Variants in KIF5B observed in about 807,000 individuals in gnomAD.
KIF5B encodes kinesin-1 heavy chain.
A neutral mutation model predicts 132.8 loss-of-function variants in KIF5B; 49 were observed. The observed-to-expected ratio is 0.37, with a 90% CI of 0.29 to 0.47. The LOEUF (loss-of-function observed/expected upper bound fraction) is 0.47, where lower values mean the gene tolerates loss of function less well. KIF5B is among the 20% of genes least tolerant of loss of function. KIF5B has a pLI of 1.00. For synonymous variants in KIF5B, 355 were observed against 369.4 expected (o/e 0.96, Z 0.45); for missense variants, 780 against 1,144.0 (o/e 0.68, Z 4.59).
At chr10:32,012,899 A>ATTT (rs746066933) in intron 25 of KIF5B, among the ~76,000 whole-genome samples, 1 of 136,516 alleles carries the variant, frequency 7.3e-6, no homozygotes, top group African/African-American at 2.7e-5. Flanking sequence ...AACTCATGTA[A>ATTT]TTTTTTTTTT....
rs1841727278 is a variant in KIF5B at position 32,054,300 on chromosome 10, T to C, written c.126+1548A>G. On this transcript the variant is annotated intron_variant, in intron 1 of 25. Coordinates refer to ENST00000302418, the MANE Select transcript of KIF5B (RefSeq NM_004521.3). ...TACCATCCCAAAGGAAAAGGATTAC[T>C]GGGCTTAACTACTCCGCCTCTGCCG... Among the ~76,000 whole-genome samples the C allele has an allele frequency of 2.6e-5, 4 of 152,244 alleles. No homozygotes were observed. In the South Asian group the frequency reaches 8.3e-4, roughly 32 times the overall value.
chr10:32,050,850 ATGG>A (rs1390534862), intron 1 of KIF5B, among the ~76,000 whole-genome samples: 1 of 152,268 alleles, frequency 6.6e-6, no homozygotes, highest in Non-Finnish European at 1.5e-5. Flanking sequence ...AGATATATTC[ATGG>A]TGAACAATTC....
chr10:32,021,011 A>G lies in KIF5B; in HGVS notation c.2204+11T>C, dbSNP rs768948573. On this transcript the variant is annotated intron_variant, in intron 19 of 25. Transcript: ENST00000302418. ...ATTCTTTCCTCCTAACTAGAGAAGT[A>G]TAATACTTACTCTTGAAGATCAGTA... The G allele has an allele frequency of 6.9e-7, 1 of 1,445,876 alleles. No individual in the cohort carries two copies. The highest frequency in any genetic ancestry group is 9.7e-7 in the Non-Finnish European group (1 of 1,027,738). The allele number at this position is 1,445,876 out of a possible 1,614,324, so 89.6% of individuals were successfully genotyped here.
At chr10:32,024,609 C>T (rs1841310896) in intron 15 of KIF5B, among the ~76,000 whole-genome samples, 1 of 150,724 alleles carries the variant, frequency 6.6e-6, no homozygotes, top group South Asian at 2.1e-4. Flanking sequence ...ACTAAAAATA[C>T]AAAAAATTAG....
In KIF5B at chr10:32,028,631, T is replaced by C. The variant is rs567524044; in HGVS notation, c.1582-60A>G. ...CTACTACATGAAAATTCAAATCAAA[T>C]ACTCATCGGTGTTTCAAGTTTTACA... On this transcript the variant is annotated intron_variant, in intron 14 of 25. Coordinates refer to ENST00000302418, the MANE Select transcript of KIF5B (RefSeq NM_004521.3). 20 of 1,412,852 alleles carry C rather than the reference T, an allele frequency of 1.4e-5. No homozygotes were observed. The African/African-American group carries it at 2.4e-4, about 17-fold the overall frequency. The allele number at this position is 1,412,852 out of a possible 1,614,324, so 87.5% of individuals were successfully genotyped here.
chr10:32,011,962 CAA>C (rs1310951699), intron 25 of KIF5B, among the ~76,000 whole-genome samples: 6 of 151,436 alleles, frequency 4.0e-5, no homozygotes, highest in Non-Finnish European at 7.4e-5. Flanking sequence ...TAGGGATAAA[CAA>C]GAGGTGTATA....
At chr10:32,052,355 CA>C in intron 1 of KIF5B, among the ~76,000 whole-genome samples, 1 of 152,260 alleles carries the variant, frequency 6.6e-6, no homozygotes, top group East Asian at 1.9e-4. Flanking sequence ...GTTCAAACAC[CA>C]AATCATTCAC....
chr10:32,022,008 AAT>A, intron 17 of KIF5B, 130 bp downstream of exon 17: 2 of 581,934 alleles, frequency 3.4e-6, no homozygotes, highest in Middle Eastern at 6.1e-4. Context: ...AAGCAACATT[AAT>A]ATGTATGATT....
intron 25 of KIF5B, among the ~76,000 whole-genome samples, chr10:32,013,390 G>C (rs996503242): frequency 1.3e-5 from 2 of 152,132 alleles, no homozygotes; most frequent in African/African-American, 4.8e-5. Flanking sequence ...CAATGCTTTT[G>C]CATAGAAATA....
intron 6 of KIF5B, among the ~76,000 whole-genome samples, chr10:32,037,874 G>C (rs1841481320): frequency 2.0e-5 from 3 of 151,964 alleles, no homozygotes; most frequent in African/African-American, 7.2e-5. Context: ...CACTTTGGGA[G>C]GCAGAGGCGG....
chr10:32,012,422 G>A (rs770877903), intron 25 of KIF5B, among the ~76,000 whole-genome samples: 6 of 152,124 alleles, frequency 3.9e-5, no homozygotes, highest in Non-Finnish European at 8.8e-5. Context: ...GTTGCAGTGA[G>A]CCGAGATCCT....
In KIF5B at chr10:32,056,200, T is replaced by TGGCGGCGGCGGCGGC; in HGVS notation, c.-228_-227insGCCGCCGCCGCCGCC. 2.0e-6 allele frequency: 1 copy of TGGCGGCGGCGGCGGC among 496,746 alleles called. No individual in the cohort carries two copies. Among genetic ancestry groups the TGGCGGCGGCGGCGGC allele is most frequent in the Non-Finnish European group, 3.5e-6 (1 of 287,526 alleles). 30.8% of individuals were successfully genotyped at this position (496,746 alleles called of 1,614,324 possible). A position where few individuals can be genotyped will look rare whatever the true frequency, so the allele number is the denominator to read the frequency against. On this transcript the variant is annotated 5_prime_UTR_variant, in exon 1 of 26. Transcript: ENST00000302418. ...CACTTCCGATCCATCATGGCAGCCATGGCGGCGGCAGCGGCGGCGGCACCG... is the reference window on the plus strand; with the variant it reads ...CACTTCCGATCCATCATGGCAGCCATGGCGGCGGCGGCGGCGGCGGCGGCAGCGGCGGCGGCACCG...
intron 25 of KIF5B, among the ~76,000 whole-genome samples, chr10:32,014,408 G>C (rs114582270): frequency 0.013 from 1,889 of 150,676 alleles, 41 homozygotes; most frequent in African/African-American, 0.044. Flanking sequence ...GGGCAGGGGG[G>C]TGTGGGGTTT....
Position 32,035,447 on chromosome 10 carries a change from C to G in KIF5B, c.962+75G>C, listed in dbSNP as rs969493279. 7 of 1,306,462 alleles carry G rather than the reference C, an allele frequency of 5.4e-6. No individual in the cohort carries two copies. In the East Asian group the frequency reaches 6.9e-5, roughly 13 times the overall value. 80.9% of individuals were successfully genotyped at this position (1,306,462 alleles called of 1,614,324 possible). On this transcript the variant is annotated intron_variant, in intron 10 of 25. Transcript: ENST00000302418. Reference sequence around the variant, plus strand: ...AAACAGTATGTACAGGTTGGAATAACAGCTCACATTTTCCTACATTTTATA... The same window carrying G: ...AAACAGTATGTACAGGTTGGAATAAGAGCTCACATTTTCCTACATTTTATA...
chr10:32,019,115 T>A (rs1371250630), intron 20 of KIF5B, among the ~76,000 whole-genome samples: 1 of 152,234 alleles, frequency 6.6e-6, no homozygotes, highest in African/African-American at 2.4e-5. Flanking sequence ...AATAGTTCTA[T>A]AATTTATATT....
At chr10:32,019,986 C>T in intron 19 of KIF5B, 27 bp from the exon 20 acceptor site, 1 of 1,401,494 alleles carries the variant, frequency 7.1e-7, no homozygotes, top group Non-Finnish European at 1.0e-6. Flanking sequence ...ATAATTAACA[C>T]AGTATCAATA....
chr10:32,031,342 A>C (rs1441797343), intron 13 of KIF5B, 63 bp from the exon 14 acceptor site: 1 of 1,254,238 alleles, frequency 8.0e-7, no homozygotes, highest in Non-Finnish European at 1.1e-6. Context: ...ACACCCATGA[A>C]GCTTCACCAT....
chr10:32,012,840 G>A (rs998434655), intron 25 of KIF5B, among the ~76,000 whole-genome samples: 1 of 151,812 alleles, frequency 6.6e-6, no homozygotes, highest in African/African-American at 2.4e-5. Flanking sequence ...TTCCAGAAAG[G>A]TAGGAAAAGG....
intron 1 of KIF5B, among the ~76,000 whole-genome samples, chr10:32,052,408 G>A (rs1369868845): frequency 6.6e-6 from 1 of 152,152 alleles, no homozygotes; most frequent in African/African-American, 2.4e-5. Flanking sequence ...AAGGAACTGG[G>A]CAAGATTATC....
Sources: gnomAD v4.1 joint callset for allele counts (sites outside exome capture counted in the v4.1 genomes callset) on GRCh38, gnomAD v4.1.1 for gene constraint, MANE v1.5 for transcripts, NCBI Gene and HGNC (gene_info 2026-07-23, HGNC 2026-07-21) for gene names.